COG6: variants seen among roughly 807,000 people sequenced by gnomAD.
COG6 encodes the protein component of oligomeric golgi complex 6.
In COG6, 74 loss-of-function variants were observed where a neutral mutation model predicts 88.8. The ratio of observed to expected loss-of-function variants is 0.83; its 90% CI spans 0.69 to 1.01. COG6 has a LOEUF of 1.01. COG6 is among the 50% of genes least tolerant of loss of function. COG6 has a pLI of 0.00. For missense variants in COG6, 800 were observed against 797.9 expected (o/e 1.00, Z -0.03); for synonymous variants, 286 against 278.7 (o/e 1.03, Z -0.26).
At chr13:39,664,538 G>A (rs1234825178) in intron 3 of COG6, among the ~76,000 whole-genome samples, 6 of 152,172 alleles carry the variant, frequency 3.9e-5, no homozygotes, top group Non-Finnish European at 7.3e-5. Flanking sequence ...CTGGCTTAGG[G>A]AAGGGAGAAT....
In COG6 at chr13:39,682,191, C is replaced by T. The variant is rs775092003; in HGVS notation, c.715C>T (p.Gln239Ter). ...WAQSECRTLTQESCDVSPVLT... is the reference protein window; with the variant it reads ...WAQSECRTLT ...TTCAGGTGAATGCAGAACATTGACA[C>T]AAGAATCATGTGACGTATCTCCAGT... Residue 239 changes from glutamine to a stop codon, truncating the protein, a stop_gained, in exon 8 of 19, where the codon CAA (glutamine) becomes TAA (stop). Coordinates refer to ENST00000455146, the MANE Select transcript of COG6 (RefSeq NM_020751.3). LOFTEE classifies it high-confidence loss of function. The T allele has an allele frequency of 1.9e-6, 3 of 1,611,062 alleles. No homozygotes were observed. The highest frequency in any genetic ancestry group is 2.5e-6 in the Non-Finnish European group (3 of 1,177,532).
downstream of COG6, among the ~76,000 whole-genome samples, chr13:39,757,509 A>AATTAATAAATT (rs1880876842): frequency 6.6e-6 from 1 of 152,122 alleles, no homozygotes; most frequent in Non-Finnish European, 1.5e-5. Context: ...AAGATTAATA[A>AATTAATAAATT]AACCAAAAGT....
chr13:39,708,875 C>G (rs984240848), intron 13 of COG6, among the ~76,000 whole-genome samples: 2 of 151,976 alleles, frequency 1.3e-5, no homozygotes, highest in Non-Finnish European at 2.9e-5. Context: ...TGTCTTAGTA[C>G]CAGTAGTGTA....
intron 18 of COG6, among the ~76,000 whole-genome samples, chr13:39,748,103 T>A (rs973072378): frequency 6.6e-6 from 1 of 152,186 alleles, no homozygotes; most frequent in Non-Finnish European, 1.5e-5. Context: ...TTCTCAGAAA[T>A]CTATGTTATT....
chr13:39,664,998 A>T, intron 3 of COG6, 98 bp from the exon 4 acceptor site: 1 of 713,840 alleles, frequency 1.4e-6, no homozygotes, highest in Middle Eastern at 3.8e-4. Context: ...GAGTGATCTC[A>T]TTTGTTTTAA....
chr13:39,723,500 T>C, intron 16 of COG6, 60 bp downstream of exon 16: 1 of 963,574 alleles, frequency 1.0e-6, no homozygotes, highest in East Asian at 2.4e-5. Flanking sequence ...GTATGTCTTC[T>C]AGAGCTGCAC....
At chr13:39,666,627 A>G (rs1408495700) in intron 4 of COG6, among the ~76,000 whole-genome samples, 3 of 152,144 alleles carry the variant, frequency 2.0e-5, no homozygotes, top group African/African-American at 4.8e-5. Flanking sequence ...TCTTAACACA[A>G]TTCTCTTCAG....
chr13:39,791,393 T>C (rs1881933311), exon 19 of COG6: 1 of 152,088 alleles, frequency 6.6e-6, no homozygotes, highest in Non-Finnish European at 1.5e-5. Context: ...TATCGAATGA[T>C]CTAGGCATTG....
intron 12 of COG6, 93 bp downstream of exon 12, chr13:39,694,818 G>A (rs1219821168): frequency 2.9e-6 from 2 of 681,620 alleles, no homozygotes; most frequent in Admixed American, 4.8e-5. Flanking sequence ...ATTGTGTATA[G>A]TAATTATACA....
chr13:39,727,258 T>C (rs1879179540), intron 17 of COG6, among the ~76,000 whole-genome samples: 1 of 152,040 alleles, frequency 6.6e-6, no homozygotes, highest in South Asian at 2.1e-4. Flanking sequence ...TGAAAGTAAG[T>C]ATTGCTAATA....
intron 13 of COG6, among the ~76,000 whole-genome samples, chr13:39,707,461 G>A (rs1287817507): frequency 1.3e-5 from 2 of 152,104 alleles, no homozygotes; most frequent in Non-Finnish European, 2.9e-5. Flanking sequence ...TAGTACCCAA[G>A]TCTAAAGTAT....
chr13:39,688,680 A>G (rs1353037873), intron 10 of COG6, among the ~76,000 whole-genome samples: 2 of 152,224 alleles, frequency 1.3e-5, no homozygotes, highest in Non-Finnish European at 2.9e-5. Context: ...CTACATCACC[A>G]TATGTACTAA....
intron 12 of COG6, among the ~76,000 whole-genome samples, chr13:39,695,757 T>A (rs1482612329): frequency 6.6e-6 from 1 of 151,884 alleles, no homozygotes; most frequent in Non-Finnish European, 1.5e-5. Context: ...TGATCAGAGA[T>A]AGGATTTGGA....
chr13:39,719,568 T>G, intron 14 of COG6, 92 bp from the exon 15 acceptor site: 1 of 1,311,130 alleles, frequency 7.6e-7, no homozygotes, highest in Non-Finnish European at 1.1e-6. Flanking sequence ...ATAAATTGGC[T>G]TCCTTCCAAT....
At chr13:39,733,214 G>A (rs1488904258) in intron 18 of COG6, among the ~76,000 whole-genome samples, 5 of 145,628 alleles carry the variant, frequency 3.4e-5, no homozygotes, top group South Asian at 2.2e-4. Flanking sequence ...TTTTGGAGAC[G>A]GAGTCTTGCT....
chr13:39,678,358 G>A (rs1876101781), intron 5 of COG6, among the ~76,000 whole-genome samples: 1 of 152,188 alleles, frequency 6.6e-6, no homozygotes, highest in South Asian at 2.1e-4. Flanking sequence ...ATAGGTCTGA[G>A]CCATAGTACC....
Position 39,734,346 on chromosome 13 carries a change from C to T in COG6, c.1826+6798C>T, listed in dbSNP as rs1324519593. On this transcript the variant is annotated intron_variant, in intron 18 of 18. Coordinates refer to ENST00000455146, the MANE Select transcript of COG6 (RefSeq NM_020751.3). ...AATTTTTTAATTTCCTTCTTAATTT[C>T]TTCATTAGCCCACTGGTTATTCAGG... Among the ~76,000 whole-genome samples the T allele has an allele frequency of 2.6e-5, 4 of 151,828 alleles. No homozygotes were observed. In the East Asian group the frequency reaches 7.7e-4, roughly 29 times the overall value.
At chr13:39,777,317 G>T (rs1363454262) in intron 18 of COG6, among the ~76,000 whole-genome samples, 2 of 152,182 alleles carry the variant, frequency 1.3e-5, no homozygotes, top group Non-Finnish European at 2.9e-5. Context: ...GAGGGCAGAG[G>T]TCAGGTGGCA....
chr13:39,699,738 C>T (rs1297117776), intron 13 of COG6, 120 bp downstream of exon 13: 2 of 648,390 alleles, frequency 3.1e-6, no homozygotes, highest in African/African-American at 3.6e-5. Context: ...TGAGTTCTTC[C>T]TGTCACCAAC....
Sources: gnomAD v4.1 joint callset for allele counts (sites outside exome capture counted in the v4.1 genomes callset) on GRCh38, gnomAD v4.1.1 for gene constraint, MANE v1.5 for transcripts, NCBI Gene and HGNC (gene_info 2026-07-23, HGNC 2026-07-21) for gene names.